Variants in WDPCP observed in about 807,000 individuals in gnomAD.
The protein encoded by WDPCP is WD repeat containing planar cell polarity effector.
Under a neutral mutation model 93.1 loss-of-function variants are expected in WDPCP, and 71 were observed. The ratio of observed to expected loss-of-function variants is 0.76; its 90% CI spans 0.63 to 0.93. WDPCP has a LOEUF of 0.93. Ranked by LOEUF, WDPCP falls within the 40% of genes least tolerant of loss-of-function variation. WDPCP has a pLI of 0.00. For synonymous variants in WDPCP, 315 were observed against 315.0 expected (o/e 1.00, Z 0.00); for missense variants, 844 against 887.4 (o/e 0.95, Z 0.62).
intron 14 of WDPCP, among the ~76,000 whole-genome samples, chr2:63,249,966 T>C (rs983458823): frequency 6.6e-6 from 1 of 152,198 alleles, no homozygotes; most frequent in Non-Finnish European, 1.5e-5. Context: ...TGTTTCCTTC[T>C]TCACAATGTC....
intron 15 of WDPCP, among the ~76,000 whole-genome samples, chr2:63,161,855 C>T (rs774424995): frequency 3.3e-5 from 5 of 152,134 alleles, no homozygotes; most frequent in Non-Finnish European, 5.9e-5. Context: ...CCTCCTCCTC[C>T]TGTGTTCAAG....
At chr2:63,593,581 C>T (rs749161514), upstream of WDPCP, 10 of 471,366 alleles carry the variant, frequency 2.1e-5, no homozygotes, top group African/African-American at 1.8e-4. Context: ...AAAAAGAAAC[C>T]AAACACTTCT....
At chr2:63,699,852 T>A (rs1003396620) in intron 2 of WDPCP, among the ~76,000 whole-genome samples, 2 of 152,156 alleles carry the variant, frequency 1.3e-5, no homozygotes, top group Non-Finnish European at 2.9e-5. Context: ...CACAGTTAAC[T>A]GGGATAGTAT....
At chr2:63,301,949 A>G (rs1685364758) in intron 13 of WDPCP, among the ~76,000 whole-genome samples, 1 of 152,142 alleles carries the variant, frequency 6.6e-6, no homozygotes, top group Non-Finnish European at 1.5e-5. Flanking sequence ...TTTTTACTAG[A>G]TCTTTGCAAG....
chr2:63,475,039 A>G (rs930136195), intron 6 of WDPCP, among the ~76,000 whole-genome samples: 3 of 152,090 alleles, frequency 2.0e-5, no homozygotes, highest in Non-Finnish European at 4.4e-5. Flanking sequence ...ACCAGTAAAT[A>G]CTTTTTTTTT....
intron 3 of WDPCP, among the ~76,000 whole-genome samples, chr2:63,628,304 C>T (rs182607131): frequency 1.3e-5 from 2 of 152,082 alleles, no homozygotes; most frequent in Admixed American, 6.6e-5. Context: ...CTATTTTCCA[C>T]TTTCAAAACA....
chr2:63,237,266 A>C (rs940901914), intron 14 of WDPCP, among the ~76,000 whole-genome samples: 2 of 152,212 alleles, frequency 1.3e-5, no homozygotes, highest in Non-Finnish European at 1.5e-5. Context: ...ATGCAAATCA[A>C]AACCACAATG....
At chr2:63,659,369 C>G (rs925951399) in intron 2 of WDPCP, among the ~76,000 whole-genome samples, 1 of 152,160 alleles carries the variant, frequency 6.6e-6, no homozygotes, top group South Asian at 2.1e-4. Flanking sequence ...GAAAAGAGGA[C>G]TTTATAGATG....
intron 10 of WDPCP, among the ~76,000 whole-genome samples, chr2:63,401,287 A>G (rs1694130783): frequency 6.6e-6 from 1 of 152,236 alleles, no homozygotes. Context: ...AGGAACTTAA[A>G]CAAATTTACA....
intron 6 of WDPCP, among the ~76,000 whole-genome samples, chr2:63,484,121 A>G (rs1700427980): frequency 1.3e-5 from 2 of 152,016 alleles, no homozygotes; most frequent in Admixed American, 6.6e-5. Context: ...CTACCATAGT[A>G]AACAGCACAG....
chr2:63,652,348 T>C (rs975994075), intron 2 of WDPCP, among the ~76,000 whole-genome samples: 1 of 152,226 alleles, frequency 6.6e-6, no homozygotes, highest in Non-Finnish European at 1.5e-5. Context: ...CACAAACTTT[T>C]GTAAAATTCA....
intron 14 of WDPCP, among the ~76,000 whole-genome samples, chr2:63,186,924 T>C (rs552211577): frequency 6.6e-6 from 1 of 152,210 alleles, no homozygotes; most frequent in South Asian, 2.1e-4. Flanking sequence ...TCTTATCTTA[T>C]ATCTGGTGGT....
chr2:63,145,064 A>G (rs1671388322), intron 17 of WDPCP, among the ~76,000 whole-genome samples: 1 of 152,118 alleles, frequency 6.6e-6, no homozygotes, highest in Non-Finnish European at 1.5e-5. Context: ...ATCTGGCTCC[A>G]GGCTGGTACT....
At chr2:63,129,796 G>A (rs566124520) in intron 17 of WDPCP, among the ~76,000 whole-genome samples, 9 of 152,066 alleles carry the variant, frequency 5.9e-5, no homozygotes, top group South Asian at 2.1e-4. Context: ...TATTAAATGC[G>A]TAGTATCTGC....
At chr2:63,687,999 T>C (rs898283259) in intron 2 of WDPCP, among the ~76,000 whole-genome samples, 3 of 152,210 alleles carry the variant, frequency 2.0e-5, no homozygotes, top group Non-Finnish European at 4.4e-5. Context: ...TGGAGTACTA[T>C]TCAGCATAAA....
intron 14 of WDPCP, among the ~76,000 whole-genome samples, chr2:63,205,266 A>G (rs1187455403): frequency 6.6e-6 from 1 of 151,918 alleles, no homozygotes; most frequent in Non-Finnish European, 1.5e-5. Context: ...AATTTTAAGT[A>G]AGGTAATATG....
At chr2:63,399,084 T>C (rs1037405929) in intron 10 of WDPCP, among the ~76,000 whole-genome samples, 1 of 152,138 alleles carries the variant, frequency 6.6e-6, no homozygotes, top group Non-Finnish European at 1.5e-5. Flanking sequence ...AACAAAACTT[T>C]AAAAAATCCT....
At chr2:63,731,415 G>A (rs531093001) in intron 2 of WDPCP, among the ~76,000 whole-genome samples, 2 of 152,126 alleles carry the variant, frequency 1.3e-5, no homozygotes, top group South Asian at 4.1e-4. Flanking sequence ...GTACAATTCA[G>A]TGACACTTAG....
At chr2:63,670,297 C>CTGTCT (rs1475712202) in intron 2 of WDPCP, among the ~76,000 whole-genome samples, 1 of 152,196 alleles carries the variant, frequency 6.6e-6, no homozygotes, top group Non-Finnish European at 1.5e-5. Context: ...ACAGCCAGTG[C>CTGTCT]TGTCTGGTAT....
Sources: gnomAD v4.1 joint callset for allele counts (sites outside exome capture counted in the v4.1 genomes callset) on GRCh38, gnomAD v4.1.1 for gene constraint, MANE v1.5 for transcripts, NCBI Gene and HGNC (gene_info 2026-07-23, HGNC 2026-07-21) for gene names.